Variants in RNGTT observed in about 807,000 individuals in gnomAD.
RNGTT encodes the protein mRNA-capping enzyme.
Under a neutral mutation model 79.3 loss-of-function variants are expected in RNGTT, and 33 were observed. That is an observed-to-expected ratio of 0.42 (90% CI 0.32 to 0.56). The LOEUF (loss-of-function observed/expected upper bound fraction) is 0.56. Ranked by LOEUF, RNGTT falls within the 20% of genes least tolerant of loss-of-function variation. The pLI, the probability that RNGTT is intolerant of heterozygous loss-of-function variation, is 0.17. For synonymous variants in RNGTT, 222 were observed against 235.9 expected, an observed-to-expected ratio of 0.94 and a Z score of 0.54; for missense variants, 497 against 739.1, an observed-to-expected ratio of 0.67 and a Z score of 3.80.
At chr6:88,620,904 T>C (rs1484837243) in intron 14 of RNGTT, among the ~76,000 whole-genome samples, 4 of 152,172 alleles carry the variant, frequency 2.6e-5, no homozygotes, top group African/African-American at 9.7e-5. Flanking sequence ...TAAAACCACA[T>C]ATTGTGCAAA....
chr6:88,833,778 C>G (rs1034000149), intron 11 of RNGTT, among the ~76,000 whole-genome samples: 11 of 152,150 alleles, frequency 7.2e-5, no homozygotes, highest in African/African-American at 2.4e-4. Flanking sequence ...AATCCCAGCA[C>G]TTTGGGAGGC....
chr6:88,835,044 A>G (rs934637614), intron 11 of RNGTT, among the ~76,000 whole-genome samples: 3 of 152,160 alleles, frequency 2.0e-5, no homozygotes, highest in African/African-American at 7.2e-5. Flanking sequence ...CTTTCATCCT[A>G]TAAAGCAAAC....
chr6:88,687,559 A>G (rs1450153983), intron 13 of RNGTT, among the ~76,000 whole-genome samples: 2 of 152,224 alleles, frequency 1.3e-5, no homozygotes, highest in East Asian at 3.8e-4. Context: ...TAAATAAGCT[A>G]CGGTTAAATC....
intron 14 of RNGTT, among the ~76,000 whole-genome samples, chr6:88,631,162 C>G (rs1772867381): frequency 6.6e-6 from 1 of 152,128 alleles, no homozygotes; most frequent in East Asian, 1.9e-4. Context: ...CAGTTCTGTG[C>G]CTCATAACAT....
At chr6:88,851,050 T>C (rs1781653697) in intron 9 of RNGTT, among the ~76,000 whole-genome samples, 1 of 151,916 alleles carries the variant, frequency 6.6e-6, no homozygotes, top group Non-Finnish European at 1.5e-5. Flanking sequence ...ACAGTCCATA[T>C]AGGTGATGAA....
chr6:88,760,588 C>A (rs1401339271), intron 13 of RNGTT, among the ~76,000 whole-genome samples: 1 of 152,076 alleles, frequency 6.6e-6, no homozygotes, highest in African/African-American at 2.4e-5. Context: ...ATAGCTTAGT[C>A]ATTAAGCATA....
intron 8 of RNGTT, among the ~76,000 whole-genome samples, chr6:88,855,724 T>C (rs985257075): frequency 4.6e-5 from 7 of 152,104 alleles, no homozygotes; most frequent in Non-Finnish European, 1.0e-4. Context: ...CTGGACTGAC[T>C]GTGTATCTGA....
intron 12 of RNGTT, among the ~76,000 whole-genome samples, chr6:88,770,503 G>T (rs1387478662): frequency 6.6e-6 from 1 of 152,128 alleles, no homozygotes; most frequent in Non-Finnish European, 1.5e-5. Context: ...TGCTGACTAG[G>T]ATTCCATTGT....
intron 13 of RNGTT, among the ~76,000 whole-genome samples, chr6:88,715,557 T>G (rs1156231129): frequency 1.3e-5 from 2 of 152,160 alleles, no homozygotes; most frequent in Non-Finnish European, 2.9e-5. Context: ...ACTACTTGAC[T>G]TCAAACCATG....
At chr6:88,769,003 A>G (rs1778558558) in intron 13 of RNGTT, among the ~76,000 whole-genome samples, 1 of 152,244 alleles carries the variant, frequency 6.6e-6, no homozygotes, top group African/African-American at 2.4e-5. Context: ...AATTTCCTTC[A>G]AAGTAAAAAA....
chr6:88,768,003 C>G (rs1778522923), intron 13 of RNGTT, among the ~76,000 whole-genome samples: 2 of 151,986 alleles, frequency 1.3e-5, no homozygotes, highest in African/African-American at 2.4e-5. Flanking sequence ...TTCCTATAGC[C>G]TCAAATTTAT....
At chr6:88,751,575 G>C (rs1344329422) in intron 13 of RNGTT, among the ~76,000 whole-genome samples, 1 of 152,028 alleles carries the variant, frequency 6.6e-6, no homozygotes, top group Non-Finnish European at 1.5e-5. Flanking sequence ...ACCTGTAGTG[G>C]CTTCCATTTA....
chr6:88,671,880 A>C (rs1774654368), intron 14 of RNGTT, among the ~76,000 whole-genome samples: 1 of 152,184 alleles, frequency 6.6e-6, no homozygotes, highest in South Asian at 2.1e-4. Flanking sequence ...CTAATTCAAC[A>C]AACAGTGCTG....
At chr6:88,789,679 C>A (rs1032360653) in intron 12 of RNGTT, among the ~76,000 whole-genome samples, 7 of 152,188 alleles carry the variant, frequency 4.6e-5, no homozygotes, top group Non-Finnish European at 2.9e-5. Flanking sequence ...AAACTTCTTG[C>A]TAAGTTTTAA....
At chr6:88,831,374 C>G (rs572580192) in intron 11 of RNGTT, among the ~76,000 whole-genome samples, 1 of 152,010 alleles carries the variant, frequency 6.6e-6, no homozygotes, top group Non-Finnish European at 1.5e-5. Flanking sequence ...AAAAGGCCTT[C>G]GATAAAATTC....
chr6:88,863,599 A>G (rs537016358), intron 8 of RNGTT, among the ~76,000 whole-genome samples: 2 of 152,264 alleles, frequency 1.3e-5, no homozygotes, highest in African/African-American at 4.8e-5. Context: ...AGTCCCTTCA[A>G]CCATCAAGAT....
intron 4 of RNGTT, among the ~76,000 whole-genome samples, chr6:88,920,721 T>A (rs1784137831): frequency 6.6e-6 from 1 of 152,174 alleles, no homozygotes; most frequent in African/African-American, 2.4e-5. Context: ...CCTCTGGCAT[T>A]AGATGTCATG....
chr6:88,704,259 C>CAAAAAAA lies in RNGTT; in HGVS notation c.1440-25847_1440-25841dup, dbSNP rs35623392. Among the ~76,000 whole-genome samples the CAAAAAAA allele has an allele frequency of 9.7e-3, 471 of 48,664 alleles. 22 individuals carry two copies. Among genetic ancestry groups the CAAAAAAA allele is most frequent in the African/African-American group, 0.03 (454 of 15,006 alleles). The allele number at this position is 48,664 out of a possible 152,430, so 31.9% of individuals were successfully genotyped here. A position where few individuals can be genotyped will look rare whatever the true frequency, so the allele number is the denominator to read the frequency against. On this transcript the variant is annotated intron_variant, in intron 13 of 15. Transcript: ENST00000369485. ...TGGGTGACAGAGCGAGACTCTGTCT[C>CAAAAAAA]AAAAAAAAAAAAAAAAAAAAAAAAA...
intron 13 of RNGTT, among the ~76,000 whole-genome samples, chr6:88,723,717 T>G (rs1294203694): frequency 6.6e-6 from 1 of 152,150 alleles, no homozygotes; most frequent in Non-Finnish European, 1.5e-5. Context: ...TTCTACAATG[T>G]GTTTGGGTTT....
Sources: gnomAD v4.1 joint callset for allele counts (sites outside exome capture counted in the v4.1 genomes callset) on GRCh38, gnomAD v4.1.1 for gene constraint, MANE v1.5 for transcripts, NCBI Gene and HGNC (gene_info 2026-07-23, HGNC 2026-07-21) for gene names.